Variants in ARHGAP6 observed in about 807,000 individuals in gnomAD.
The protein encoded by ARHGAP6 is rho GTPase-activating protein 6.
ARHGAP6 carries 16 observed loss-of-function variants against 55.7 expected under a neutral mutation model. That is an observed-to-expected ratio of 0.29 (90% CI 0.19 to 0.44). The LOEUF (loss-of-function observed/expected upper bound fraction) is 0.44, where lower values mean the gene tolerates loss of function less well. Among genes scored for constraint, ARHGAP6 ranks in the 20% least tolerant of loss-of-function variants. The probability of loss-of-function intolerance (pLI) is 1.00; values close to 1 mark genes in which losing one functional copy is unlikely to be tolerated. For synonymous variants in ARHGAP6, 382 were observed against 360.9 expected (o/e 1.06, Z -0.66); for missense variants, 698 against 808.9 (o/e 0.86, Z 1.66).
chrX:11,430,601 A>G (rs2049931837), intron 1 of ARHGAP6, among the ~76,000 whole-genome samples: 1 of 112,578 alleles, frequency 8.9e-6, no homozygotes, highest in Non-Finnish European at 1.9e-5. Flanking sequence ...CACATTATTC[A>G]TTATTTCATT....
chrX:11,203,900 C>A (rs2046668732), intron 2 of ARHGAP6, among the ~76,000 whole-genome samples: 1 of 111,847 alleles, frequency 8.9e-6, no homozygotes, highest in African/African-American at 3.2e-5. Context: ...CTTTAGCAAC[C>A]ACCCTACCTT....
chrX:11,143,553 G>A, intron 11 of ARHGAP6: 1 of 864,212 alleles, frequency 1.2e-6, no homozygotes, highest in Non-Finnish European at 1.4e-6. Flanking sequence ...GGTTCTGGAA[G>A]GTTGTCTTCA....
At chrX:11,163,601 AC>A (rs2045978594) in intron 9 of ARHGAP6, among the ~76,000 whole-genome samples, 1 of 112,639 alleles carries the variant, frequency 8.9e-6, no homozygotes, top group African/African-American at 3.2e-5. Context: ...TAACAAACAC[AC>A]TAAAAGAAAT....
At chrX:11,437,378 A>C (rs773476737) in intron 1 of ARHGAP6, among the ~76,000 whole-genome samples, 2 of 112,692 alleles carry the variant, frequency 1.8e-5, no homozygotes, top group Non-Finnish European at 3.8e-5. Flanking sequence ...TCTTTCATTC[A>C]ATATTTCATT....
At chrX:11,623,866 G>A (rs1419889040) in intron 1 of ARHGAP6, among the ~76,000 whole-genome samples, 1 of 111,701 alleles carries the variant, frequency 9.0e-6, no homozygotes, top group Non-Finnish European at 1.9e-5. Context: ...ATTCTTCACA[G>A]AAATAGGAAA....
chrX:11,392,178 C>T (rs2049415119), intron 1 of ARHGAP6, among the ~76,000 whole-genome samples: 1 of 112,089 alleles, frequency 8.9e-6, no homozygotes, highest in Non-Finnish European at 1.9e-5. Flanking sequence ...TCAGTTACTC[C>T]TCTGGAAGGA....
chrX:11,555,347 G>T (rs1266074395), intron 1 of ARHGAP6, among the ~76,000 whole-genome samples: 1 of 111,352 alleles, frequency 9.0e-6, no homozygotes, highest in East Asian at 2.8e-4. Flanking sequence ...ATATTGCAAA[G>T]AAAAATAAAG....
At chrX:11,523,426 G>A (rs1342359528) in intron 1 of ARHGAP6, among the ~76,000 whole-genome samples, 1 of 111,152 alleles carries the variant, frequency 9.0e-6, no homozygotes, top group Non-Finnish European at 1.9e-5. Context: ...ATTCAATTAG[G>A]AAAAGAGGAA....
In ARHGAP6 at chrX:11,189,064, A is replaced by C. The variant is rs943920679; in HGVS notation, c.821-80T>G. 17 of 1,044,076 alleles carry C rather than the reference A, an allele frequency of 1.6e-5. No individual in the cohort carries two copies. In the African/African-American group the frequency reaches 2.3e-4, roughly 14 times the overall value. The allele number at this position is 1,044,076 out of a possible 1,213,427, so 86.0% of individuals were successfully genotyped here. A position where few individuals can be genotyped will look rare whatever the true frequency, so the allele number is the denominator to read the frequency against. ...TCTCATTTATGTTTCAGACCTAAGT[A>C]AGAACAGACATATTCAAAGGAATGT... On this transcript the variant is annotated intron_variant, in intron 3 of 12. Transcript: ENST00000337414.
At chrX:11,346,324 C>T (rs1397059058) in intron 1 of ARHGAP6, among the ~76,000 whole-genome samples, 1 of 111,913 alleles carries the variant, frequency 8.9e-6, no homozygotes, top group East Asian at 2.8e-4. Flanking sequence ...TCAGCTACAA[C>T]ATCAGAGTTG....
intron 1 of ARHGAP6, among the ~76,000 whole-genome samples, chrX:11,459,748 T>C (rs1250296232): frequency 8.9e-6 from 1 of 111,778 alleles, no homozygotes; most frequent in East Asian, 2.8e-4. Context: ...AGAACATCTG[T>C]CTTTAATTAC....
intron 1 of ARHGAP6, among the ~76,000 whole-genome samples, chrX:11,656,437 G>C: frequency 8.9e-6 from 1 of 112,145 alleles, no homozygotes; most frequent in East Asian, 2.8e-4. Context: ...TTCTCTTACA[G>C]TCCTCAAGGT....
At chrX:11,254,523 G>A (rs367993004) in intron 2 of ARHGAP6, 25 bp downstream of exon 2, 76 of 1,197,859 alleles carry the variant, frequency 6.3e-5, no homozygotes, top group South Asian at 1.5e-4. Flanking sequence ...AGTGTTCCCC[G>A]GCAGAAAGGC....
intron 1 of ARHGAP6, among the ~76,000 whole-genome samples, chrX:11,450,203 A>AGTGTGTGTGTGTGT (rs34050296): frequency 1.0e-4 from 9 of 90,184 alleles, no homozygotes; most frequent in African/African-American, 3.6e-4. Flanking sequence ...ACAAATAATA[A>AGTGTGTGTGTGTGT]GTGTGTGTGT....
At chrX:11,163,545 C>T (rs944494417) in intron 9 of ARHGAP6, among the ~76,000 whole-genome samples, 59 of 112,230 alleles carry the variant, frequency 5.3e-4, no homozygotes, top group African/African-American at 1.9e-3. Context: ...CATTTAAAAC[C>T]CAGCAAAAGT....
intron 1 of ARHGAP6, among the ~76,000 whole-genome samples, chrX:11,323,877 A>C (rs1163734366): frequency 9.2e-6 from 1 of 108,662 alleles, no homozygotes; most frequent in Non-Finnish European, 1.9e-5. Context: ...AAAAAAAAAA[A>C]AAAAAAAAAA....
chrX:11,471,075 A>G (rs2050342259), intron 1 of ARHGAP6, among the ~76,000 whole-genome samples: 1 of 112,164 alleles, frequency 8.9e-6, no homozygotes, highest in Non-Finnish European at 1.9e-5. Flanking sequence ...AAACAGGATG[A>G]GAGAACAGTA....
chrX:11,519,874 C>A (rs1394054827), intron 1 of ARHGAP6, among the ~76,000 whole-genome samples: 6 of 102,653 alleles, frequency 5.8e-5, no homozygotes, highest in African/African-American at 2.2e-4. Flanking sequence ...GACCTAAAAC[C>A]ATAAAAACCC....
intron 2 of ARHGAP6, chrX:11,225,721 A>G: frequency 1.5e-6 from 1 of 663,422 alleles, no homozygotes; most frequent in Non-Finnish European, 2.3e-6. Context: ...AAAGGAACTG[A>G]AAGAGATTGA....
Sources: allele counts gnomAD v4.1 joint callset (sites outside exome capture counted in the v4.1 genomes callset), GRCh38; gene constraint gnomAD v4.1.1; transcripts MANE v1.5; gene names NCBI Gene and HGNC (gene_info 2026-07-23, HGNC 2026-07-21).